SYCP2: variants seen among roughly 807,000 people sequenced by gnomAD.
SYCP2 encodes the protein synaptonemal complex lateral element protein.
A neutral mutation model predicts 211.3 loss-of-function variants in SYCP2; 55 were observed. That is an observed-to-expected ratio of 0.26 (90% confidence interval 0.21 to 0.33). SYCP2 has a LOEUF of 0.33. Among genes scored for constraint, SYCP2 ranks in the 10% least tolerant of loss-of-function variants. The pLI, the probability that SYCP2 is intolerant of heterozygous loss-of-function variation, is 1.00. For missense variants in SYCP2, 1,731 were observed against 1,752.0 expected (o/e 0.99, Z 0.21); for synonymous variants, 570 against 555.2 (o/e 1.03, Z -0.37).
Position 59,868,350 on chromosome 20 carries a change from T to C in SYCP2, c.3988+63A>G, listed in dbSNP as rs1211161599. On this transcript the variant is annotated intron_variant, in intron 38 of 44. Transcript: ENST00000357552. ...CAAATTTGTTTTGTAAATAGACTCA[T>C]TCAAAATATAAGAACCACCCTCCAA... The C allele has an allele frequency of 2.0e-6, 3 of 1,537,970 alleles. No homozygotes were observed. In the African/African-American group the frequency reaches 4.2e-5, roughly 21 times the overall value.
intron 39 of SYCP2, among the ~76,000 whole-genome samples, chr20:59,866,820 T>A (rs954846170): frequency 3.3e-5 from 5 of 151,658 alleles, no homozygotes; most frequent in Non-Finnish European, 7.4e-5. Context: ...CCACAATTGT[T>A]TTCATAAGAA....
In SYCP2 at chr20:59,869,756, C is replaced by G. The variant is rs1432855488; in HGVS notation, c.3741+42G>C. 14 of 1,257,930 alleles carry G rather than the reference C, an allele frequency of 1.1e-5. No individual in the cohort carries two copies. The East Asian group carries it at 3.3e-4, about 29-fold the overall frequency. 77.9% of individuals were successfully genotyped at this position (1,257,930 alleles called of 1,614,324 possible). On this transcript the variant is annotated intron_variant, in intron 36 of 44. Coordinates refer to ENST00000357552, the MANE Select transcript of SYCP2 (RefSeq NM_014258.4). ...GTAATCTGAGTCTTATAAGAACCAT[C>G]TTAGTGTAAGGAAAATTTATAAGTT...
chr20:59,890,581 AGTAGGTAGGTAG>A (rs139061503), intron 24 of SYCP2, among the ~76,000 whole-genome samples: 10 of 151,352 alleles, frequency 6.6e-5, no homozygotes, highest in East Asian at 1.9e-4. Context: ...TAGGTAGGTA[AGTAGGTAGGTAG>A]GTAGGTAGGT....
intron 26 of SYCP2, among the ~76,000 whole-genome samples, chr20:59,882,894 A>G (rs1458593506): frequency 1.3e-5 from 2 of 152,190 alleles, no homozygotes; most frequent in African/African-American, 2.4e-5. Flanking sequence ...TACCTCAACA[A>G]AAAAACTTGT....
chr20:59,881,860 A>G (rs768530210), intron 28 of SYCP2, 85 bp downstream of exon 28: 2 of 1,098,650 alleles, frequency 1.8e-6, no homozygotes, highest in Non-Finnish European at 1.3e-6. Context: ...GAGGATGCAC[A>G]TTAAAAACAT....
In SYCP2 at chr20:59,900,745, T is replaced by G. The variant is rs368284097; in HGVS notation, c.1256A>C (p.Gln419Pro). 2 of 1,612,156 alleles carry G rather than the reference T, an allele frequency of 1.2e-6. No individual in the cohort carries two copies. Among genetic ancestry groups the G allele is most frequent in the African/African-American group, 2.7e-5 (2 of 74,980 alleles). Residue 419 changes from glutamine (Q) to proline (P), a missense_variant and splice_region_variant, in exon 17 of 45, where the codon CAG (glutamine) becomes CCG (proline). Physicochemically the swap from Gln to Pro is moderately conservative, Grantham distance 76 (BLOSUM62 -1). Coordinates refer to ENST00000357552, the MANE Select transcript of SYCP2 (RefSeq NM_014258.4). ...LHILFDASGS[Q>P]ILVPESQISP... ...AAATCAAGTAAGTCTGAGACATACCTGTGATCCACTTGCGTCAAAAAGTAT... is the reference window on the plus strand; with the variant it reads ...AAATCAAGTAAGTCTGAGACATACCGGTGATCCACTTGCGTCAAAAAGTAT...
intron 18 of SYCP2, among the ~76,000 whole-genome samples, chr20:59,898,189 A>C (rs893503685): frequency 6.6e-6 from 1 of 152,170 alleles, no homozygotes; most frequent in Non-Finnish European, 1.5e-5. Context: ...AACCAGAAAT[A>C]CCATTTGACT....
At chr20:59,887,458 A>G (rs2059814319) in intron 24 of SYCP2, among the ~76,000 whole-genome samples, 1 of 152,150 alleles carries the variant, frequency 6.6e-6, no homozygotes, top group Non-Finnish European at 1.5e-5. Context: ...CAATGAACAT[A>G]CGTGTGCATG....
intron 10 of SYCP2, among the ~76,000 whole-genome samples, chr20:59,914,607 TAC>T (rs1331435572): frequency 7.2e-5 from 11 of 152,096 alleles, no homozygotes; most frequent in Admixed American, 6.5e-4. Context: ...GTAACATGTT[TAC>T]AGTTATCCCA....
At chr20:59,893,305 G>T (rs1022598287) in intron 21 of SYCP2, 106 bp from the exon 22 acceptor site, 2 of 819,176 alleles carry the variant, frequency 2.4e-6, no homozygotes, top group Non-Finnish European at 1.9e-6. Context: ...TGGGATGAAC[G>T]GATTGATCGA....
chr20:59,869,201 G>A (rs2059404560), intron 36 of SYCP2, among the ~76,000 whole-genome samples: 1 of 151,506 alleles, frequency 6.6e-6, no homozygotes. Context: ...TTTGAGTCAG[G>A]AAATGAGGAG....
intron 35 of SYCP2, among the ~76,000 whole-genome samples, chr20:59,872,838 T>C (rs2059479892): frequency 6.6e-6 from 1 of 152,096 alleles, no homozygotes; most frequent in Non-Finnish European, 1.5e-5. Flanking sequence ...TTAAAGTCTA[T>C]GGCCTTTAAT....
At position 59,863,789 on chromosome 20, in the gene SYCP2, C is replaced by T. The variant is rs923487769; in HGVS notation, c.*522G>A. The T allele has an allele frequency of 1.3e-5, 2 of 151,914 alleles. No individual in the cohort carries two copies. The highest frequency in any genetic ancestry group is 2.9e-5 in the Non-Finnish European group (2 of 67,888). 9.4% of individuals were successfully genotyped at this position (151,914 alleles called of 1,614,324 possible). ...TTAGGCCATTTAGTGCTTCCTAATA[C>T]ATTAGAGCCATATCTGAATAAATGT... On this transcript the variant is annotated 3_prime_UTR_variant, in exon 45 of 45. Transcript: ENST00000357552.
chr20:59,894,357 A>G (rs1289983938), intron 20 of SYCP2, among the ~76,000 whole-genome samples: 1 of 152,112 alleles, frequency 6.6e-6, no homozygotes, highest in East Asian at 1.9e-4. Flanking sequence ...ATCCTACAAC[A>G]TTTAGGACCA....
chr20:59,874,498 T>C (rs755305913), intron 34 of SYCP2, among the ~76,000 whole-genome samples: 12 of 152,078 alleles, frequency 7.9e-5, no homozygotes, highest in Non-Finnish European at 1.6e-4. Flanking sequence ...AATCTTAATA[T>C]AAATAAATCC....
Position 59,892,620 on chromosome 20 carries a change from T to G in SYCP2, c.1875A>C (p.Glu625Asp). The G allele has an allele frequency of 6.2e-7, 1 of 1,610,716 alleles. No individual in the cohort carries two copies. The highest frequency in any genetic ancestry group is 8.5e-7 in the Non-Finnish European group (1 of 1,178,192). ...WACWTPVTNI[E>D]LCNNQRASTS... Reference sequence around the variant, plus strand: ...TACTTGCTCTTTGGTTATTACATAGTTCAATGTTTGTTACAGGTGTCCAAC... The same window carrying G: ...TACTTGCTCTTTGGTTATTACATAGGTCAATGTTTGTTACAGGTGTCCAAC... The change falls in exon 23 of 45, where the codon GAA (glutamate) becomes GAC (aspartate). Residue 625 changes from glutamate to aspartate, a missense_variant. Glu to Asp is a conservative substitution (Grantham distance 45). Coordinates refer to ENST00000357552, the MANE Select transcript of SYCP2 (RefSeq NM_014258.4).
At chr20:59,891,930 T>G in intron 24 of SYCP2, 60 bp downstream of exon 24, 2 of 1,393,934 alleles carry the variant, frequency 1.4e-6, no homozygotes, top group South Asian at 1.4e-5. Context: ...TCTTTCTTTC[T>G]TATGTTATCA....
chr20:59,914,309 A>C, intron 10 of SYCP2, 58 bp from the exon 11 acceptor site: 1 of 1,043,804 alleles, frequency 9.6e-7, no homozygotes, highest in Non-Finnish European at 1.4e-6. Flanking sequence ...TTTATAAAAG[A>C]CCATATATTT....
At chr20:59,874,178 C>A in intron 34 of SYCP2, 117 bp from the exon 35 acceptor site, 1 of 540,078 alleles carries the variant, frequency 1.9e-6, no homozygotes, top group Non-Finnish European at 3.0e-6. Flanking sequence ...CAAATCTTAG[C>A]TATAAAAAAG....
Sources: gnomAD v4.1 joint callset for allele counts (sites outside exome capture counted in the v4.1 genomes callset) on GRCh38, gnomAD v4.1.1 for gene constraint, MANE v1.5 for transcripts, NCBI Gene and HGNC (gene_info 2026-07-23, HGNC 2026-07-21) for gene names.